Variants in FGGY observed in about 807,000 individuals in gnomAD.
FGGY encodes FGGY carbohydrate kinase domain-containing protein.
In FGGY, 72 loss-of-function variants were observed where a neutral mutation model predicts 71.3. That is an observed-to-expected ratio of 1.01 (90% CI 0.84 to 1.23). The LOEUF is 1.23. Ranked by LOEUF, FGGY falls within the 50% of genes most tolerant of loss-of-function variation. The pLI, the probability that FGGY is intolerant of heterozygous loss-of-function variation, is 0.00. For missense variants in FGGY, 668 were observed against 682.3 expected (o/e 0.98, Z 0.23); for synonymous variants, 251 against 250.3 (o/e 1.00, Z -0.02).
chr1:59,503,594 CATAT>C (rs71046332), intron 6 of FGGY, among the ~76,000 whole-genome samples: 42 of 127,684 alleles, frequency 3.3e-4, no homozygotes, highest in Middle Eastern at 4.0e-3. Context: ...GTGGTGTCGC[CATAT>C]ATATATATAT....
At chr1:59,387,592 AT>A (rs1454572280) in intron 5 of FGGY, among the ~76,000 whole-genome samples, 7 of 152,202 alleles carry the variant, frequency 4.6e-5, no homozygotes, top group Non-Finnish European at 8.8e-5. Context: ...TTAAAAAAAA[AT>A]TTTTTTGCAG....
chr1:59,313,374 T>C (rs550560560), intron 1 of FGGY, among the ~76,000 whole-genome samples: 7 of 152,212 alleles, frequency 4.6e-5, no homozygotes, highest in Non-Finnish European at 8.8e-5. Context: ...CAGCCCCTTA[T>C]TCCTAGCATC....
intron 5 of FGGY, among the ~76,000 whole-genome samples, chr1:59,442,178 G>A (rs58454785): frequency 0.014 from 2,097 of 152,232 alleles, 50 homozygotes; most frequent in African/African-American, 0.049. Flanking sequence ...AGCTCTACCC[G>A]TATTAGCTAA....
intron 5 of FGGY, among the ~76,000 whole-genome samples, chr1:59,389,189 G>A (rs1005941885): frequency 2.6e-5 from 4 of 152,030 alleles, no homozygotes; most frequent in Admixed American, 6.6e-5. Flanking sequence ...CTTGTGATCC[G>A]CCCACGGCTG....
chr1:59,404,808 A>G (rs1415225943), intron 5 of FGGY, among the ~76,000 whole-genome samples: 4 of 152,140 alleles, frequency 2.6e-5, no homozygotes, highest in Non-Finnish European at 4.4e-5. Flanking sequence ...TGTCTGCTAG[A>G]TAGATGCTGC....
At chr1:59,497,508 A>G (rs2094076161) in intron 6 of FGGY, among the ~76,000 whole-genome samples, 1 of 152,194 alleles carries the variant, frequency 6.6e-6, no homozygotes, top group Non-Finnish European at 1.5e-5. Context: ...GAATAGTTTG[A>G]AGCCAGGAGG....
At chr1:59,653,642 G>A (rs1017378081) in intron 11 of FGGY, among the ~76,000 whole-genome samples, 4 of 152,178 alleles carry the variant, frequency 2.6e-5, no homozygotes, top group Non-Finnish European at 5.9e-5. Flanking sequence ...ACTGGCCTGC[G>A]CCCACTGTCT....
intron 4 of FGGY, among the ~76,000 whole-genome samples, chr1:59,372,493 G>T (rs2057851858): frequency 6.6e-6 from 1 of 152,104 alleles, no homozygotes; most frequent in Non-Finnish European, 1.5e-5. Context: ...AGGAGGAGCT[G>T]GTACCATTCC....
At chr1:59,441,318 T>A (rs539533843) in intron 5 of FGGY, among the ~76,000 whole-genome samples, 1 of 152,262 alleles carries the variant, frequency 6.6e-6, no homozygotes, top group East Asian at 1.9e-4. Flanking sequence ...GGGCACAGTT[T>A]GGGCCCAATA....
intron 6 of FGGY, among the ~76,000 whole-genome samples, chr1:59,482,322 T>C (rs181731758): frequency 2.9e-4 from 44 of 152,252 alleles, no homozygotes; most frequent in African/African-American, 9.6e-4. Context: ...GGGCTCGGGC[T>C]TGCCAGACAC....
intron 14 of FGGY, among the ~76,000 whole-genome samples, chr1:59,716,929 A>C (rs1401624202): frequency 6.6e-6 from 1 of 152,178 alleles, no homozygotes; most frequent in Non-Finnish European, 1.5e-5. Context: ...AGAATGAGTA[A>C]ATAATGTGGT....
intron 11 of FGGY, among the ~76,000 whole-genome samples, chr1:59,642,149 T>C (rs1038005902): frequency 2.0e-5 from 3 of 152,150 alleles, no homozygotes; most frequent in African/African-American, 7.2e-5. Context: ...AAGGCCTTAG[T>C]AGTTCTGTAA....
intron 5 of FGGY, among the ~76,000 whole-genome samples, chr1:59,429,259 TC>T (rs894588171): frequency 6.6e-6 from 1 of 151,982 alleles, no homozygotes; most frequent in African/African-American, 2.4e-5. Context: ...GTTTTTTTTT[TC>T]ATCTTAGAAA....
At position 59,476,022 on chromosome 1, in the gene FGGY, A is replaced by G. The variant is rs546325603; in HGVS notation, c.670+18946A>G. Among the ~76,000 whole-genome samples, 20 of 152,308 alleles carry G rather than the reference A, an allele frequency of 1.3e-4. No individual in the cohort carries two copies. In the South Asian group the frequency reaches 3.9e-3, roughly 30 times the overall value. On this transcript the variant is annotated intron_variant, in intron 6 of 15. Transcript: ENST00000303721. ...CTTACCATGCCCCCACGTAGTCACCATCCAACCACAATGACCTTCTTTTTG... is the reference window on the plus strand; with the variant it reads ...CTTACCATGCCCCCACGTAGTCACCGTCCAACCACAATGACCTTCTTTTTG...
chr1:59,529,833 TGAAAA>T (rs1056001633), intron 7 of FGGY, among the ~76,000 whole-genome samples: 3 of 152,224 alleles, frequency 2.0e-5, no homozygotes, highest in Non-Finnish European at 1.5e-5. Context: ...CAGTGGGGCT[TGAAAA>T]GAAGATAGGG....
intron 1 of FGGY, among the ~76,000 whole-genome samples, chr1:59,320,908 T>A (rs1198262916): frequency 1.3e-5 from 2 of 152,234 alleles, no homozygotes; most frequent in African/African-American, 4.8e-5. Flanking sequence ...ATCATTATAA[T>A]AATGTACATT....
chr1:59,368,795 T>C (rs557980939), intron 4 of FGGY, among the ~76,000 whole-genome samples: 1 of 152,248 alleles, frequency 6.6e-6, no homozygotes, highest in South Asian at 2.1e-4. Context: ...TAGCCTAATA[T>C]AAAAAACTGC....
intron 14 of FGGY, among the ~76,000 whole-genome samples, chr1:59,722,440 C>T (rs905769538): frequency 6.6e-6 from 1 of 152,174 alleles, no homozygotes; most frequent in African/African-American, 2.4e-5. Flanking sequence ...TACGATCTAC[C>T]TCCTCGTGGG....
At chr1:59,390,890 T>C (rs892577090) in intron 5 of FGGY, among the ~76,000 whole-genome samples, 1 of 152,330 alleles carries the variant, frequency 6.6e-6, no homozygotes, top group East Asian at 1.9e-4. Flanking sequence ...TATTCATTAA[T>C]ACATTCATTC....
Sources: gnomAD v4.1 joint callset for allele counts (sites outside exome capture counted in the v4.1 genomes callset) on GRCh38, gnomAD v4.1.1 for gene constraint, MANE v1.5 for transcripts, NCBI Gene and HGNC (gene_info 2026-07-23, HGNC 2026-07-21) for gene names.